KMT2C: variants seen among roughly 807,000 people sequenced by gnomAD.
The protein encoded by KMT2C is lysine methyltransferase 2C, also known as histone-lysine N-methyltransferase 2C.
A neutral mutation model predicts 507.9 loss-of-function variants in KMT2C; 88 were observed. The observed-to-expected ratio is 0.17, with a 90% CI of 0.15 to 0.21. The LOEUF (loss-of-function observed/expected upper bound fraction) is 0.21, where lower values mean the gene tolerates loss of function less well. KMT2C is among the 10% of genes least tolerant of loss of function. The pLI, the probability that KMT2C is intolerant of heterozygous loss-of-function variation, is 1.00. For missense variants in KMT2C, 4,954 were observed against 5,957.8 expected, an observed-to-expected ratio of 0.83 and a Z score of 5.55; for synonymous variants, 2,049 against 2,080.8, an observed-to-expected ratio of 0.98 and a Z score of 0.42.
intron 5 of KMT2C, among the ~76,000 whole-genome samples, chr7:152,310,320 A>T (rs2096659242): frequency 6.6e-6 from 1 of 152,200 alleles, no homozygotes; most frequent in Non-Finnish European, 1.5e-5. Context: ...TCACTCCTGT[A>T]ATCTCAGCAC....
Position 152,225,459 on chromosome 7 carries a change from T to A in KMT2C, c.2977-843A>T, listed in dbSNP as rs568158553. On this transcript the variant is annotated intron_variant, in intron 18 of 58. Coordinates refer to ENST00000262189, the MANE Select transcript of KMT2C (RefSeq NM_170606.3). ...CTCCAGATGCTAGAAGAGTATAAGT[T>A]TCCAATTCTACAGGAAAATACTTTT... Among the ~76,000 whole-genome samples, 217 of 152,250 alleles carry A rather than the reference T, an allele frequency of 1.4e-3. 1 individual carries two copies. In the Middle Eastern group the frequency reaches 0.017, roughly 12 times the overall value.
In KMT2C at chr7:152,187,456, T is replaced by C. The variant is rs2129124778; in HGVS notation, c.4814A>G (p.Asn1605Ser). The stretch of plus-strand genomic sequence containing the variant: ...GTTGTTAGGATCACTTGCCATTGGA[T>C]TAAAGGCTGAATTTTTATCCCTGGG... ...PDARDKNSAF[N>S]PMASDPNNSW... Residue 1605 changes from asparagine to serine, a missense_variant, in exon 33 of 59, where the codon AAT (asparagine) becomes AGT (serine). By Grantham distance (46) the Asn-to-Ser change is conservative (BLOSUM62 1). Transcript: ENST00000262189. 1 of 1,613,702 alleles carries C rather than the reference T, an allele frequency of 6.2e-7. No individual in the cohort carries two copies.
intron 1 of KMT2C, among the ~76,000 whole-genome samples, chr7:152,364,967 A>T (rs1052106347): frequency 4.6e-5 from 7 of 151,474 alleles, no homozygotes; most frequent in Non-Finnish European, 1.0e-4. Context: ...ACACACACAC[A>T]CACGTACCAG....
In KMT2C at chr7:152,182,280, G is replaced by A. The variant is rs776101090; in HGVS notation, c.5580C>T (p.Ser1860=). 3.1e-6 allele frequency: 5 copies of A among 1,614,162 alleles called. No individual in the cohort carries two copies. Among genetic ancestry groups the A allele is most frequent in the South Asian group, 1.1e-5 (1 of 91,068 alleles). ...AAAGACTATCCTGGATGGGAATCCG[G>A]GATGGGGCTGGAGGAGGAGGTGGAG... ...PQAPPPPPAP[S]RIPIQDSLSQ... is the part of the protein sequence containing the mutation. Residue 1860 remains serine, a synonymous_variant, in exon 36 of 59, where the codon TCC becomes TCT. Coordinates refer to ENST00000262189, the MANE Select transcript of KMT2C (RefSeq NM_170606.3).
chr7:152,433,097 G>A (rs1459828043), intron 1 of KMT2C, among the ~76,000 whole-genome samples: 4 of 150,850 alleles, frequency 2.7e-5, no homozygotes, highest in Non-Finnish European at 5.9e-5. Context: ...GCGGTGAGCC[G>A]AGATCATACC....
chr7:152,282,426 T>C (rs2096234530), intron 6 of KMT2C, among the ~76,000 whole-genome samples: 1 of 152,200 alleles, frequency 6.6e-6, no homozygotes, highest in Admixed American at 6.5e-5. Context: ...TGACCTCAAA[T>C]TGAAAGTCCT....
intron 1 of KMT2C, among the ~76,000 whole-genome samples, chr7:152,380,915 A>T (rs1235285745): frequency 1.3e-5 from 2 of 152,028 alleles, no homozygotes; most frequent in Non-Finnish European, 2.9e-5. Flanking sequence ...TAGTATATTT[A>T]TGACTTGAAT....
At chr7:152,203,631 T>C (rs923968806) in intron 25 of KMT2C, among the ~76,000 whole-genome samples, 2 of 152,150 alleles carry the variant, frequency 1.3e-5, no homozygotes, top group African/African-American at 4.8e-5. Context: ...TTGGGGACTA[T>C]GAAACTAGCA....
chr7:152,331,985 C>G (rs1301001120), intron 2 of KMT2C, among the ~76,000 whole-genome samples: 1 of 152,054 alleles, frequency 6.6e-6, no homozygotes, highest in Non-Finnish European at 1.5e-5. Context: ...AGCAATTGGT[C>G]TACAGAACAA....
At position 152,148,814 on chromosome 7, in the gene KMT2C, A is replaced by C; in HGVS notation, c.13113T>G (p.Phe4371Leu). Reference protein sequence around the residue: ...SIHIVIPKGTFKPPCEDEIDE... With the variant: ...SIHIVIPKGTLKPPCEDEIDE... ...CTATTTCATCCTCACAAGGTGGTTT[A>C]AATGTCCCCTTAGGGATTACAATAT... Residue 4371 changes from phenylalanine to leucine, a missense_variant, in exon 52 of 59, where the codon TTT becomes TTG. This residue lies in a region of KMT2C where 417 missense variants were observed against 461.1 expected (regional missense o/e 0.90). Transcript: ENST00000262189. This position sits in a 1 kb window ranked among gnomAD's most constrained non-coding sequence, Gnocchi z 7.1. 6.2e-7 allele frequency: 1 copy of C among 1,614,234 alleles called. No homozygotes were observed. The highest frequency in any genetic ancestry group is 1.1e-5 in the South Asian group (1 of 91,086).
intron 6 of KMT2C, among the ~76,000 whole-genome samples, chr7:152,309,727 G>T (rs920128587): frequency 1.3e-5 from 2 of 151,560 alleles, no homozygotes; most frequent in Non-Finnish European, 2.9e-5. Flanking sequence ...TACCATGTTG[G>T]CCAGGCTAGT....
chr7:152,349,831 T>C (rs1438955606), intron 2 of KMT2C, among the ~76,000 whole-genome samples: 1 of 152,092 alleles, frequency 6.6e-6, no homozygotes, highest in African/African-American at 2.4e-5. Flanking sequence ...TTGTGACAAA[T>C]GTACCACTCT....
chr7:152,298,127 G>A (rs1439905120), intron 6 of KMT2C, among the ~76,000 whole-genome samples: 1 of 151,988 alleles, frequency 6.6e-6, no homozygotes, highest in South Asian at 2.1e-4. Context: ...ATCTTAAAAA[G>A]TGATTTTTAA....
chr7:152,331,468 G>C (rs2096881862), intron 2 of KMT2C, among the ~76,000 whole-genome samples: 1 of 151,600 alleles, frequency 6.6e-6, no homozygotes, highest in Admixed American at 6.6e-5. Flanking sequence ...AATTAGCTAA[G>C]CATAGTGGCA....
At chr7:152,425,900 AAACC>A (rs1224941321) in intron 1 of KMT2C, among the ~76,000 whole-genome samples, 1 of 152,136 alleles carries the variant, frequency 6.6e-6, no homozygotes, top group Non-Finnish European at 1.5e-5. Context: ...AATCATTTTA[AAACC>A]ACCTAAAACA....
intron 2 of KMT2C, among the ~76,000 whole-genome samples, chr7:152,355,316 A>T (rs987996181): frequency 2.0e-5 from 3 of 152,204 alleles, no homozygotes; most frequent in Admixed American, 2.0e-4. Flanking sequence ...GACACACTAA[A>T]TATGAGATCC....
chr7:152,215,928 A>G (rs1588288061), intron 23 of KMT2C, among the ~76,000 whole-genome samples: 1 of 152,148 alleles, frequency 6.6e-6, no homozygotes, highest in South Asian at 2.1e-4. Flanking sequence ...TCAAATTTTA[A>G]AAGTTGAGGG....
chr7:152,332,851 AACACACACACACAC>A (rs35781658), intron 2 of KMT2C, among the ~76,000 whole-genome samples: 20 of 138,604 alleles, frequency 1.4e-4, no homozygotes, highest in Non-Finnish European at 2.5e-4. Context: ...TGCGTCTCAA[AACACACACACACAC>A]ACACACACAC....
At chr7:152,428,674 T>C (rs2097843553) in intron 1 of KMT2C, among the ~76,000 whole-genome samples, 1 of 151,618 alleles carries the variant, frequency 6.6e-6, no homozygotes, top group African/African-American at 2.4e-5. Context: ...ATTTCCGCCC[T>C]CTTGAAAAAT....
Sources: gnomAD v4.1 joint callset for allele counts (sites outside exome capture counted in the v4.1 genomes callset) on GRCh38, gnomAD v4.1.1 for gene constraint, gnomAD v4.1.1 regional missense constraint, Gnocchi (gnomAD v3.1) non-coding constraint, MANE v1.5 for transcripts, NCBI Gene and HGNC (gene_info 2026-07-23, HGNC 2026-07-21) for gene names.